GALNTL6: variants seen among roughly 807,000 people sequenced by gnomAD.
GALNTL6 encodes polypeptide N-acetylgalactosaminyltransferase like 6.
A neutral mutation model predicts 73.7 loss-of-function variants in GALNTL6; 46 were observed. The observed-to-expected ratio is 0.62, with a 90% CI of 0.49 to 0.80. The LOEUF is 0.80. Ranked by LOEUF, GALNTL6 falls within the 30% of genes least tolerant of loss-of-function variation. The pLI is 0.00. For synonymous variants in GALNTL6, 259 were observed against 263.7 expected (o/e 0.98, Z 0.17); for missense variants, 604 against 755.0 (o/e 0.80, Z 2.34).
intron 5 of GALNTL6, among the ~76,000 whole-genome samples, chr4:172,360,914 A>G (rs1021992295): frequency 9.8e-5 from 15 of 152,304 alleles, no homozygotes; most frequent in African/African-American, 3.6e-4. Context: ...GCCAGAAGCA[A>G]TTGCTTTCAA....
rs78683105 is a variant in GALNTL6 at position 172,360,388 on chromosome 4, T to A, written c.553+11699T>A. 8.4e-4 allele frequency among the ~76,000 whole-genome samples: 128 copies of A among 152,308 alleles called. 2 individuals are homozygous for A. The highest frequency in any genetic ancestry group is 3.0e-3 in the African/African-American group (125 of 41,572). Reference sequence around the variant, plus strand: ...ATAATTATTACCTTGATTTTAGTCATATGTACCTAGGAAAGTATATTTTCA... The same window carrying A: ...ATAATTATTACCTTGATTTTAGTCAAATGTACCTAGGAAAGTATATTTTCA... On this transcript the variant is annotated intron_variant, in intron 5 of 12. Coordinates refer to ENST00000506823, the MANE Select transcript of GALNTL6 (RefSeq NM_001034845.3).
At chr4:172,335,254 C>T (rs1289895513) in intron 4 of GALNTL6, among the ~76,000 whole-genome samples, 1 of 152,156 alleles carries the variant, frequency 6.6e-6, no homozygotes, top group East Asian at 1.9e-4. Flanking sequence ...TATTGATTTG[C>T]ATATGTTGTA....
intron 5 of GALNTL6, among the ~76,000 whole-genome samples, chr4:172,584,364 C>G (rs1399169036): frequency 2.6e-5 from 4 of 152,026 alleles, no homozygotes; most frequent in African/African-American, 9.7e-5. Context: ...TTGACCAAAG[C>G]ATAGAGATTT....
intron 3 of GALNTL6, among the ~76,000 whole-genome samples, chr4:172,277,581 A>G (rs1436956191): frequency 2.0e-5 from 3 of 152,200 alleles, no homozygotes; most frequent in East Asian, 3.8e-4. Context: ...AAAAATTGAT[A>G]ACTATTTTTG....
intron 10 of GALNTL6, among the ~76,000 whole-genome samples, chr4:172,964,381 A>G (rs1750229413): frequency 1.3e-5 from 2 of 152,220 alleles, no homozygotes; most frequent in Admixed American, 6.5e-5. Context: ...GTCTTTTCCA[A>G]CCAGTGCCAT....
intron 2 of GALNTL6, among the ~76,000 whole-genome samples, chr4:171,898,857 A>G (rs926561170): frequency 6.6e-6 from 1 of 152,108 alleles, no homozygotes; most frequent in Non-Finnish European, 1.5e-5. Context: ...ATTTTTGTAT[A>G]TAAATTGTAT....
intron 7 of GALNTL6, among the ~76,000 whole-genome samples, chr4:172,842,814 T>A (rs185171765): frequency 6.6e-6 from 1 of 151,940 alleles, no homozygotes; most frequent in East Asian, 1.9e-4. Flanking sequence ...TACAAAATTA[T>A]AAATTTCTCC....
chr4:171,863,850 C>G (rs1735902093), intron 2 of GALNTL6, among the ~76,000 whole-genome samples: 1 of 152,034 alleles, frequency 6.6e-6, no homozygotes, highest in South Asian at 2.1e-4. Context: ...CTCCGCCTCC[C>G]AGGTTCAAGC....
intron 5 of GALNTL6, among the ~76,000 whole-genome samples, chr4:172,400,958 C>T (rs1333386021): frequency 6.6e-6 from 1 of 152,066 alleles, no homozygotes; most frequent in Non-Finnish European, 1.5e-5. Flanking sequence ...CAAAACATTT[C>T]ACTACAAATG....
rs144445126 is a variant in GALNTL6 at position 172,247,909 on chromosome 4, G to T, written c.247+18145G>T. Among the ~76,000 whole-genome samples, 615 of 152,068 alleles carry T rather than the reference G, an allele frequency of 4.0e-3. 6 individuals are homozygous for T. The highest frequency in any genetic ancestry group is 0.014 in the African/African-American group (578 of 41,488). ...ATTATTAAAGTAATAAATGCTTATT[G>T]AAATTTTTTTCAAGTTCATACATGA... On this transcript the variant is annotated intron_variant, in intron 3 of 12. Coordinates refer to ENST00000506823, the MANE Select transcript of GALNTL6 (RefSeq NM_001034845.3).
At chr4:172,768,119 A>G (rs746941734) in intron 5 of GALNTL6, among the ~76,000 whole-genome samples, 3 of 152,138 alleles carry the variant, frequency 2.0e-5, no homozygotes, top group Non-Finnish European at 2.9e-5. Context: ...TCCCTTTTAG[A>G]GTTAAAAGGC....
intron 5 of GALNTL6, among the ~76,000 whole-genome samples, chr4:172,399,900 G>C (rs1401662364): frequency 1.3e-5 from 2 of 151,938 alleles, no homozygotes; most frequent in African/African-American, 4.8e-5. Context: ...AAACAAGAAG[G>C]TTTTCTTTTT....
intron 5 of GALNTL6, among the ~76,000 whole-genome samples, chr4:172,363,478 G>T (rs1373992345): frequency 5.9e-5 from 9 of 152,142 alleles, no homozygotes; most frequent in Non-Finnish European, 1.2e-4. Flanking sequence ...GTGGTTGTGG[G>T]TATTAAAGAG....
chr4:172,363,985 A>C (rs1578996549), intron 5 of GALNTL6, among the ~76,000 whole-genome samples: 1 of 152,206 alleles, frequency 6.6e-6, no homozygotes, highest in Non-Finnish European at 1.5e-5. Context: ...ATTATTTCCA[A>C]ATGTTACAAT....
chr4:172,391,591 G>A (rs900721515), intron 5 of GALNTL6, among the ~76,000 whole-genome samples: 1 of 152,164 alleles, frequency 6.6e-6, no homozygotes, highest in Admixed American at 6.5e-5. Context: ...GCAGGCCCCT[G>A]TTATTACCAT....
At chr4:172,391,952 A>G (rs1743676845) in intron 5 of GALNTL6, among the ~76,000 whole-genome samples, 2 of 152,170 alleles carry the variant, frequency 1.3e-5, no homozygotes, top group Admixed American at 1.3e-4. Context: ...ATAAACTAAG[A>G]TAATGCTAAT....
intron 8 of GALNTL6, among the ~76,000 whole-genome samples, chr4:172,890,849 C>A (rs1475569868): frequency 1.3e-5 from 2 of 152,054 alleles, no homozygotes; most frequent in Admixed American, 1.3e-4. Flanking sequence ...TCTAGAAGTA[C>A]CTGTTTTATG....
intron 2 of GALNTL6, among the ~76,000 whole-genome samples, chr4:171,962,098 C>A (rs1739236108): frequency 6.6e-6 from 1 of 152,170 alleles, no homozygotes; most frequent in African/African-American, 2.4e-5. Context: ...ACTGTGAATA[C>A]AAGACACCCT....
chr4:172,683,437 A>G (rs912780196), intron 5 of GALNTL6, among the ~76,000 whole-genome samples: 7 of 152,350 alleles, frequency 4.6e-5, no homozygotes, highest in African/African-American at 7.2e-5. Flanking sequence ...TAACTATTTT[A>G]CTTTTTTAAA....
Sources: gnomAD v4.1 joint callset for allele counts (sites outside exome capture counted in the v4.1 genomes callset) on GRCh38, gnomAD v4.1.1 for gene constraint, MANE v1.5 for transcripts, NCBI Gene and HGNC (gene_info 2026-07-23, HGNC 2026-07-21) for gene names.